Variants in CFAP92 observed in about 807,000 individuals in gnomAD.
CFAP92 encodes the protein cilia and flagella associated protein 92 (putative), also known as uncharacterized protein CFAP92.
CFAP92 carries 86 observed loss-of-function variants against 106.3 expected under a neutral mutation model. That is an observed-to-expected ratio of 0.81 (90% confidence interval 0.68 to 0.97). The LOEUF (loss-of-function observed/expected upper bound fraction) is 0.97, where lower values mean the gene tolerates loss of function less well. Among genes scored for constraint, CFAP92 ranks in the 50% least tolerant of loss-of-function variants. CFAP92 has a pLI of 0.00. For synonymous variants in CFAP92, 477 were observed against 506.4 expected, an observed-to-expected ratio of 0.94 and a Z score of 0.78; for missense variants, 1,204 against 1,283.8, an observed-to-expected ratio of 0.94 and a Z score of 0.95.
At chr3:128,933,676 T>A (rs547388650) in intron 11 of CFAP92, among the ~76,000 whole-genome samples, 30 of 152,336 alleles carry the variant, frequency 2.0e-4, no homozygotes, top group African/African-American at 6.7e-4. Flanking sequence ...TAAAGCCATA[T>A]GGATGCAGCT....
intron 12 of CFAP92, among the ~76,000 whole-genome samples, chr3:128,929,621 C>T (rs1314028315): frequency 1.3e-5 from 2 of 152,176 alleles, no homozygotes; most frequent in African/African-American, 2.4e-5. Flanking sequence ...TATTCAGGTA[C>T]GTGGATGAAC....
the CFAP92 span, among the ~76,000 whole-genome samples, chr3:129,017,470 A>T: frequency 6.6e-6 from 1 of 152,094 alleles, no homozygotes; most frequent in African/African-American, 2.4e-5. Context: ...AAAGCAAGGC[A>T]CCCTTGGCCG....
At chr3:128,994,200 C>G, upstream of CFAP92, 1 of 963,500 alleles carries the variant, frequency 1.0e-6, no homozygotes, top group Non-Finnish European at 1.2e-6. Context: ...GGGCTTTCCC[C>G]CTCAGCCACT....
At chr3:128,920,053 A>T (rs573794720) in intron 12 of CFAP92, among the ~76,000 whole-genome samples, 1 of 152,370 alleles carries the variant, frequency 6.6e-6, no homozygotes, top group South Asian at 2.1e-4. Context: ...GAAACCAAGA[A>T]AAAAGACAAT....
rs1942772184 is a variant in CFAP92 at position 128,971,272 on chromosome 3, G to A, written c.1168+15C>T. 1 of 1,613,620 alleles carries A rather than the reference G, an allele frequency of 6.2e-7. No homozygotes were observed. Among genetic ancestry groups the A allele is most frequent in the African/African-American group, 1.3e-5 (1 of 74,920 alleles). On this transcript the variant is annotated intron_variant, in intron 8 of 15. Transcript: ENST00000645291. ...ACAAGCAGGAGCTGCTGGGAACAGG[G>A]CAAGCAGTGGGTACCGGCAAGGAGC...
At chr3:128,914,332 G>A (rs1264716210) in intron 15 of CFAP92, among the ~76,000 whole-genome samples, 1 of 152,184 alleles carries the variant, frequency 6.6e-6, no homozygotes, top group Admixed American at 6.5e-5. Context: ...GGCAACCTGG[G>A]AGATCTAGGG....
rs1179176476 is a variant in CFAP92 at position 128,984,636 on chromosome 3, CT to C, written c.667+2979del. Reference sequence around the variant, plus strand: ...CCTTGCTCCTCAGCTTGCAGACGGCCTATTGTGGGACTTCACCTTGTGATCA... The same window carrying C: ...CCTTGCTCCTCAGCTTGCAGACGGCCATTGTGGGACTTCACCTTGTGATCA... On this transcript the variant is annotated intron_variant, in intron 4 of 15. Transcript: ENST00000645291. Among the ~76,000 whole-genome samples the C allele has an allele frequency of 3.3e-5, 5 of 152,292 alleles. No homozygotes were observed. In the East Asian group the frequency reaches 9.6e-4, roughly 29 times the overall value.
intron 9 of CFAP92, among the ~76,000 whole-genome samples, chr3:128,948,258 ATCATG>A (rs1940432583): frequency 6.6e-6 from 1 of 152,044 alleles, no homozygotes; most frequent in African/African-American, 2.4e-5. Flanking sequence ...CAGTAGTGCA[ATCATG>A]GCTCACTGCA....
chr3:128,956,224 A>AT (rs1941401909), intron 9 of CFAP92, among the ~76,000 whole-genome samples: 2 of 100,430 alleles, frequency 2.0e-5, no homozygotes, highest in African/African-American at 1.2e-4. Flanking sequence ...ATAAAAAAAA[A>AT]AAAAGAAAAT....
upstream of CFAP92, among the ~76,000 whole-genome samples, chr3:128,999,004 G>A (rs1351901029): frequency 6.6e-6 from 1 of 152,042 alleles, no homozygotes; most frequent in Non-Finnish European, 1.5e-5. Flanking sequence ...ATCCTCTCTT[G>A]GTGGCAGAAT....
chr3:128,934,876 G>C (rs577234518), intron 11 of CFAP92, among the ~76,000 whole-genome samples: 8 of 152,088 alleles, frequency 5.3e-5, no homozygotes, highest in African/African-American at 1.9e-4. Context: ...ATGAGGTCTC[G>C]CTCTGTTGCC....
the CFAP92 span, among the ~76,000 whole-genome samples, chr3:129,026,330 C>T: frequency 1.3e-5 from 2 of 151,962 alleles, no homozygotes; most frequent in Admixed American, 6.5e-5. Flanking sequence ...TCTCATTTTG[C>T]TTGTTGAAAC....
intron 9 of CFAP92, among the ~76,000 whole-genome samples, chr3:128,959,698 C>A (rs902585373): frequency 1.3e-5 from 2 of 152,192 alleles, no homozygotes; most frequent in African/African-American, 2.4e-5. Context: ...TCATGACCTG[C>A]ATGTGAAGAG....
At position 128,945,326 on chromosome 3, in the gene CFAP92, T is replaced by G. The variant is rs79435857; in HGVS notation, c.2003A>C (p.Lys668Thr). The G allele has an allele frequency of 7.2e-6, 11 of 1,536,144 alleles. No individual in the cohort carries two copies. In the East Asian group the frequency reaches 2.7e-4, roughly 38 times the overall value. Residue 668 changes from lysine to threonine, a missense_variant, in exon 10 of 16, where the codon AAG (lysine) becomes ACG (threonine). Coordinates refer to ENST00000645291, the MANE Select transcript of CFAP92 (RefSeq NM_001394090.1). Reference protein sequence around the residue: ...FGRIIFVFDFKKVSLLHSLLQ... With the variant: ...FGRIIFVFDFTKVSLLHSLLQ... ...CAGGCTGTGGAGCAGGGAGACCTTC[T>G]TAAAGTCAAAGACGAAGATGATGCG...
upstream of CFAP92, chr3:129,003,790 G>C (rs919866948): frequency 2.1e-6 from 3 of 1,443,728 alleles, no homozygotes; most frequent in African/African-American, 4.5e-5. Flanking sequence ...CCCTGTCCCC[G>C]CAGGTCGGAC....
chr3:129,002,230 C>A, intron 1 of CFAP92: 1 of 1,528,992 alleles, frequency 6.5e-7, no homozygotes, highest in Admixed American at 2.0e-5. Context: ...GAGCGCGTTG[C>A]GCGGCTGGAG....
At chr3:129,010,924 G>A in the CFAP92 span, among the ~76,000 whole-genome samples, 1 of 152,234 alleles carries the variant, frequency 6.6e-6, no homozygotes, top group Non-Finnish European at 1.5e-5. This position sits in a 1 kb window ranked among gnomAD's most constrained non-coding sequence, Gnocchi z 4.3. Flanking sequence ...AGAAGGCCCA[G>A]CCCAACCTGG....
chr3:128,949,738 G>A (rs1216422626), intron 9 of CFAP92, among the ~76,000 whole-genome samples: 1 of 152,202 alleles, frequency 6.6e-6, no homozygotes, highest in Non-Finnish European at 1.5e-5. Context: ...CCAGGCTGGA[G>A]TGCAATGGCG....
chr3:129,021,056 G>C, the CFAP92 span, among the ~76,000 whole-genome samples: 1 of 152,166 alleles, frequency 6.6e-6, no homozygotes, highest in African/African-American at 2.4e-5. Flanking sequence ...GTGGGGAGGA[G>C]GGTTTGCCTC....
Sources: allele counts gnomAD v4.1 joint callset (sites outside exome capture counted in the v4.1 genomes callset), GRCh38; gene constraint gnomAD v4.1.1; non-coding constraint Gnocchi (gnomAD v3.1); transcripts MANE v1.5; gene names NCBI Gene and HGNC (gene_info 2026-07-23, HGNC 2026-07-21).